The following STK35 variants were observed in gnomAD, a reference collection of about 807,000 sequenced individuals.
The protein encoded by STK35 is serine/threonine kinase 35, also known as serine/threonine-protein kinase 35.
A neutral mutation model predicts 37.3 loss-of-function variants in STK35; 17 were observed. The observed-to-expected ratio is 0.46, with a 90% confidence interval of 0.31 to 0.68. STK35 has a LOEUF of 0.68. Ranked by LOEUF, STK35 falls within the 30% of genes least tolerant of loss-of-function variation. STK35 has a pLI of 0.05. For missense variants in STK35, 595 were observed against 746.7 expected (o/e 0.80, Z 2.37); for synonymous variants, 385 against 319.1 (o/e 1.21, Z -2.20).
At chr20:2,122,474 A>G (rs1457477958) in intron 3 of STK35, among the ~76,000 whole-genome samples, 1 of 152,132 alleles carries the variant, frequency 6.6e-6, no homozygotes, top group Non-Finnish European at 1.5e-5. Flanking sequence ...TTTTTTTGCA[A>G]AAATAAAAGG....
rs1219422788 is a variant in STK35 at position 2,117,767 on chromosome 20, A to G, written c.*37+352A>G. 2.0e-5 allele frequency among the ~76,000 whole-genome samples: 3 copies of G among 152,060 alleles called. No homozygotes were observed. The highest frequency in any genetic ancestry group is 7.2e-5 in the African/African-American group (3 of 41,394). On this transcript the variant is annotated intron_variant, in intron 3 of 3. Transcript: ENST00000381482. This position sits in a 1 kb window ranked among gnomAD's most constrained non-coding sequence, Gnocchi z 4.4. ...GCCTCTCTTTTTTTTCTGTATGCCC[A>G]CTTCTTGGACCGGGTTCTTCATTCT...
intron 3 of STK35, among the ~76,000 whole-genome samples, chr20:2,136,986 T>C (rs1986098463): frequency 6.6e-6 from 1 of 152,078 alleles, no homozygotes; most frequent in Non-Finnish European, 1.5e-5. Context: ...GGAGTTGGGG[T>C]AGCCAGATCA....
chr20:2,138,975 A>G (rs1438451191), intron 3 of STK35, among the ~76,000 whole-genome samples: 1 of 152,188 alleles, frequency 6.6e-6, no homozygotes, highest in East Asian at 1.9e-4. Context: ...GCAGTGAGCT[A>G]TGGTTGTGCC....
chr20:2,130,550 G>A (rs530059144), intron 3 of STK35, among the ~76,000 whole-genome samples: 41 of 152,136 alleles, frequency 2.7e-4, no homozygotes, highest in Non-Finnish European at 3.8e-4. Context: ...ATCCTGTCAC[G>A]GGGCAGCTCT....
At chr20:2,124,605 A>G (rs1016987175) in intron 3 of STK35, among the ~76,000 whole-genome samples, 2 of 152,178 alleles carry the variant, frequency 1.3e-5, no homozygotes, top group African/African-American at 4.8e-5. Flanking sequence ...GTCCCTGCCC[A>G]TATAGTAGGG....
At chr20:2,108,840 T>C (rs764775626) in intron 2 of STK35, among the ~76,000 whole-genome samples, 1 of 152,190 alleles carries the variant, frequency 6.6e-6, no homozygotes, top group Non-Finnish European at 1.5e-5. Flanking sequence ...AAGTAGAACT[T>C]GTAGTCTGCT....
chr20:2,115,623 C>T (rs1985700953), intron 2 of STK35, among the ~76,000 whole-genome samples: 2 of 152,192 alleles, frequency 1.3e-5, no homozygotes, highest in Admixed American at 6.5e-5. Context: ...TTATAAAGAA[C>T]ATTGAGATTT....
intron 2 of STK35, among the ~76,000 whole-genome samples, chr20:2,115,035 A>G (rs1463380255): frequency 6.6e-6 from 1 of 152,234 alleles, no homozygotes; most frequent in African/African-American, 2.4e-5. Context: ...ATAGAGGATT[A>G]TGAGAGGGGA....
intron 3 of STK35, among the ~76,000 whole-genome samples, chr20:2,137,881 C>T (rs1467417567): frequency 1.3e-5 from 2 of 152,172 alleles, no homozygotes; most frequent in African/African-American, 2.4e-5. Context: ...TGACTAACCC[C>T]ACTTAGAGGA....
intron 2 of STK35, among the ~76,000 whole-genome samples, chr20:2,111,559 G>A (rs910134255): frequency 6.6e-6 from 1 of 152,134 alleles, no homozygotes; most frequent in African/African-American, 2.4e-5. Flanking sequence ...ATAGCCGGGC[G>A]TGGTGGTGCA....
intron 2 of STK35, among the ~76,000 whole-genome samples, chr20:2,115,462 C>T (rs947836913): frequency 1.3e-5 from 2 of 152,218 alleles, no homozygotes; most frequent in Non-Finnish European, 2.9e-5. Context: ...TACAAATGAC[C>T]TTGTGACCAC....
At chr20:2,116,525 C>T in intron 2 of STK35, 141 bp from the exon 3 acceptor site, 2 of 906,368 alleles carry the variant, frequency 2.2e-6, no homozygotes, top group East Asian at 2.5e-5. Flanking sequence ...CTTAGAAAGG[C>T]ACTCAGTGCC....
At chr20:2,142,939 G>T (rs183913966) in intron 3 of STK35, among the ~76,000 whole-genome samples, 1 of 152,228 alleles carries the variant, frequency 6.6e-6, no homozygotes, top group Non-Finnish European at 1.5e-5. Flanking sequence ...CCACTGAAGG[G>T]CAGGCTTCTT....
chr20:2,102,997 C>T lies in STK35; in HGVS notation c.524C>T (p.Pro175Leu), dbSNP rs1440771156. 7.1e-7 allele frequency: 1 copy of T among 1,417,498 alleles called. No homozygotes were observed. The highest frequency in any genetic ancestry group is 3.0e-5 in the East Asian group (1 of 33,342). 87.8% of individuals were successfully genotyped at this position (1,417,498 alleles called of 1,614,324 possible). Residue 175 changes from proline to leucine, a missense_variant, in exon 2 of 4, where the codon CCG becomes CTG. Pro to Leu is a moderately conservative substitution (Grantham distance 98, BLOSUM62 -3). Around this residue, in one of 3 missense-constraint regions of STK35, gnomAD observed 389 missense variants for 320.0 expected, o/e 1.22. Transcript: ENST00000381482. ...RPAAAARAMD[P>L]VAAEAPGEAF... Reference sequence around the variant, plus strand: ...GCGGCGGCGGCCCGGGCCATGGATCCGGTGGCGGCCGAGGCCCCGGGCGAG... The same window carrying T: ...GCGGCGGCGGCCCGGGCCATGGATCTGGTGGCGGCCGAGGCCCCGGGCGAG...
chr20:2,136,956 T>G (rs904297761), intron 3 of STK35, among the ~76,000 whole-genome samples: 1 of 152,184 alleles, frequency 6.6e-6, no homozygotes. Flanking sequence ...GAATGCGATC[T>G]GAGTGACAGA....
chr20:2,118,131 GTCTTTT>G lies in STK35; in HGVS notation c.*37+724_*37+729del, dbSNP rs1458663684. On this transcript the variant is annotated intron_variant, in intron 3 of 3. Coordinates refer to ENST00000381482, the MANE Select transcript of STK35 (RefSeq NM_080836.4). ...TTAGATCTTGCCCTAGTTGGTCAAG[GTCTTTT>G]TCTTTTTACTCATTACTAATCTGAG... 2.0e-5 allele frequency among the ~76,000 whole-genome samples: 3 copies of G among 152,040 alleles called. No individual in the cohort carries two copies. The East Asian group carries it at 5.8e-4, about 29-fold the overall frequency.
In STK35 at chr20:2,103,031, G is replaced by T. The variant is rs771065946; in HGVS notation, c.558G>T (p.Leu186=). ...CCGAGGCCCCGGGCGAGGCCTTCCT[G>T]GCGCGGCGACGGCCTGAGGGCGGTG... The part of the protein sequence containing the change: ...VAAEAPGEAF[L]ARRRPEGGGG... The change falls in exon 2 of 4, where the codon CTG becomes CTT. Residue 186 remains leucine (L), a synonymous_variant. Coordinates refer to ENST00000381482, the MANE Select transcript of STK35 (RefSeq NM_080836.4). 6.6e-5 allele frequency: 97 copies of T among 1,473,572 alleles called. No individual in the cohort carries two copies. The East Asian group carries it at 2.7e-3, about 40-fold the overall frequency. 91.3% of individuals were successfully genotyped at this position (1,473,572 alleles called of 1,614,324 possible).
At chr20:2,134,201 A>T (rs933007769) in intron 3 of STK35, among the ~76,000 whole-genome samples, 2 of 148,640 alleles carry the variant, frequency 1.3e-5, no homozygotes, top group South Asian at 4.3e-4. Flanking sequence ...CAGAGGTTGT[A>T]GTGAGCTGAG....
intron 3 of STK35, among the ~76,000 whole-genome samples, chr20:2,140,636 C>G (rs913572543): frequency 1.3e-5 from 2 of 152,182 alleles, no homozygotes. Flanking sequence ...TCTTTGTGCC[C>G]ACAAGAGAGA....
Sources: allele counts gnomAD v4.1 joint callset (sites outside exome capture counted in the v4.1 genomes callset), GRCh38; gene constraint gnomAD v4.1.1; regional missense constraint gnomAD v4.1.1; non-coding constraint Gnocchi (gnomAD v3.1); transcripts MANE v1.5; gene names NCBI Gene and HGNC (gene_info 2026-07-23, HGNC 2026-07-21).